Variants in TCF12 observed in about 807,000 individuals in gnomAD.
TCF12 encodes the protein transcription factor 12.
TCF12 carries 45 observed loss-of-function variants against 86.0 expected under a neutral mutation model. The ratio of observed to expected loss-of-function variants is 0.52; its 90% confidence interval spans 0.41 to 0.67. TCF12 has a LOEUF of 0.67. Ranked by LOEUF, TCF12 falls within the 30% of genes least tolerant of loss-of-function variation. The pLI is 0.00. For synonymous variants in TCF12, 330 were observed against 299.6 expected, an observed-to-expected ratio of 1.10 and a Z score of -1.05; for missense variants, 881 against 859.9, an observed-to-expected ratio of 1.02 and a Z score of -0.31.
At chr15:57,219,387 T>G in intron 8 of TCF12, 1 of 1,326,450 alleles carries the variant, frequency 7.5e-7, no homozygotes, top group Non-Finnish European at 9.8e-7. Context: ...AGTCCTATTT[T>G]GCATAAGTTC....
At chr15:57,231,746 A>G (rs1208752827) in intron 9 of TCF12, among the ~76,000 whole-genome samples, 4 of 152,208 alleles carry the variant, frequency 2.6e-5, no homozygotes, top group African/African-American at 9.6e-5. Flanking sequence ...TGGGAAACAA[A>G]TATATGGGAG....
chr15:57,168,074 A>G (rs1005208322), intron 6 of TCF12, among the ~76,000 whole-genome samples: 43 of 152,312 alleles, frequency 2.8e-4, no homozygotes, highest in African/African-American at 9.9e-4. Flanking sequence ...CTACTTGGAA[A>G]GCCAAAGCAG....
chr15:57,187,173 TC>T (rs1181480162), intron 6 of TCF12, among the ~76,000 whole-genome samples: 272 of 9,448 alleles, frequency 0.029, no homozygotes, highest in African/African-American at 0.084. Flanking sequence ...TAAGACTGTC[TC>T]CAAAAAAAAA....
intron 9 of TCF12, among the ~76,000 whole-genome samples, chr15:57,231,926 T>C (rs2059155845): frequency 6.6e-6 from 1 of 152,218 alleles, no homozygotes; most frequent in Non-Finnish European, 1.5e-5. Flanking sequence ...ATAATGCACA[T>C]TGCGTGTTAT....
intron 3 of TCF12, among the ~76,000 whole-genome samples, chr15:57,060,032 G>A (rs1345625157): frequency 5.3e-5 from 8 of 152,120 alleles, no homozygotes; most frequent in Non-Finnish European, 1.0e-4. Context: ...AGGGAGTAAT[G>A]GCAGATGTTG....
intron 18 of TCF12, among the ~76,000 whole-genome samples, chr15:57,266,800 GCTAAGGCAGGAGGAT>G (rs1322863064): frequency 6.6e-6 from 1 of 152,144 alleles, no homozygotes; most frequent in Non-Finnish European, 1.5e-5. Flanking sequence ...ACTTTGGGTG[GCTAAGGCAGGAGGAT>G]CTCTTGAGGC....
intron 19 of TCF12, among the ~76,000 whole-genome samples, chr15:57,277,578 G>A (rs534447043): frequency 1.8e-4 from 27 of 147,876 alleles, no homozygotes; most frequent in Non-Finnish European, 3.0e-4. Flanking sequence ...GCAATGAGCC[G>A]AGATTGTGCC....
chr15:57,063,273 G>C (rs2141718920), intron 3 of TCF12, among the ~76,000 whole-genome samples: 1 of 152,276 alleles, frequency 6.6e-6, no homozygotes, highest in African/African-American at 2.4e-5. Context: ...GATTTAGTTT[G>C]ATGTCATCAG....
rs1254114113 is a variant in TCF12 at position 57,273,010 on chromosome 15, G to T, written c.1746-20G>T. ...CTTTATAGGAAACCTAATAGACCTT[G>T]TTGTTACTTTATTTTCTAGCAGTAC... On this transcript the variant is annotated intron_variant, in intron 18 of 20. Coordinates refer to ENST00000333725, the MANE Select transcript of TCF12 (RefSeq NM_207037.2). 1.9e-6 allele frequency: 3 copies of T among 1,608,704 alleles called. No individual in the cohort carries two copies. Among genetic ancestry groups the T allele is most frequent in the Non-Finnish European group, 1.7e-6 (2 of 1,176,028 alleles).
intron 3 of TCF12, among the ~76,000 whole-genome samples, chr15:57,010,365 A>G (rs1407324259): frequency 2.0e-5 from 3 of 152,130 alleles, no homozygotes; most frequent in Non-Finnish European, 4.4e-5. Context: ...CCCCATCTCT[A>G]CCAGAAAAAG....
At chr15:57,258,292 A>G (rs933051745) in intron 16 of TCF12, among the ~76,000 whole-genome samples, 13 of 152,204 alleles carry the variant, frequency 8.5e-5, no homozygotes, top group South Asian at 4.1e-4. Flanking sequence ...TTTAAAAAAA[A>G]GGGGAATCGT....
At chr15:57,045,949 TC>T (rs1218056763) in intron 3 of TCF12, among the ~76,000 whole-genome samples, 2 of 152,130 alleles carry the variant, frequency 1.3e-5, no homozygotes, top group African/African-American at 4.8e-5. Flanking sequence ...AAATGGGAAA[TC>T]CAACTTAGAC....
chr15:57,265,280 A>G (rs1361063288), intron 18 of TCF12, among the ~76,000 whole-genome samples: 1 of 151,978 alleles, frequency 6.6e-6, no homozygotes, highest in African/African-American at 2.4e-5. Context: ...CATTCTTCCC[A>G]TGTCTCCTCA....
At chr15:57,178,263 C>CT (rs768250489) in intron 6 of TCF12, among the ~76,000 whole-genome samples, 9 of 151,994 alleles carry the variant, frequency 5.9e-5, no homozygotes, top group African/African-American at 2.2e-4. Flanking sequence ...GTTAATTGTA[C>CT]TTTTTTTTCC....
At chr15:57,056,921 TCTGGTGATTATC>T (rs1321165718) in intron 3 of TCF12, among the ~76,000 whole-genome samples, 3 of 152,158 alleles carry the variant, frequency 2.0e-5, no homozygotes, top group Admixed American at 6.5e-5. Flanking sequence ...GCTGTTGGCC[TCTGGTGATTATC>T]TTTTCCCTTG....
intron 19 of TCF12, among the ~76,000 whole-genome samples, chr15:57,279,695 C>A (rs1391878113): frequency 6.6e-6 from 1 of 152,080 alleles, no homozygotes; most frequent in Non-Finnish European, 1.5e-5. Context: ...CATCATGTCT[C>A]CTAGATCCTG....
chr15:57,027,757 C>T (rs1277853446), intron 3 of TCF12, among the ~76,000 whole-genome samples: 3 of 152,046 alleles, frequency 2.0e-5, no homozygotes, highest in South Asian at 2.1e-4. Context: ...GGATTCCCCA[C>T]GTGAATCATG....
intron 19 of TCF12, chr15:57,278,697 T>TCTCTCACTCCCTCCCTCC (rs2061518894): frequency 8.4e-6 from 1 of 118,628 alleles, no homozygotes; most frequent in Non-Finnish European, 1.5e-5. Context: ...CCTCTCCCTC[T>TCTCTCACTCCCTCCCTCC]CTCTCCCTCC....
At chr15:57,184,050 T>C (rs910730710) in intron 6 of TCF12, among the ~76,000 whole-genome samples, 1 of 152,192 alleles carries the variant, frequency 6.6e-6, no homozygotes, top group Admixed American at 6.5e-5. Context: ...TTTACTCATC[T>C]GAAAGTTTAT....
Sources: gnomAD v4.1 joint callset for allele counts (sites outside exome capture counted in the v4.1 genomes callset) on GRCh38, gnomAD v4.1.1 for gene constraint, MANE v1.5 for transcripts, NCBI Gene and HGNC (gene_info 2026-07-23, HGNC 2026-07-21) for gene names.